SH3BGRL2: variants seen among roughly 807,000 people sequenced by gnomAD.
SH3BGRL2 encodes SH3 domain-binding glutamic acid-rich-like protein 2.
SH3BGRL2 carries 21 observed loss-of-function variants against 14.8 expected under a neutral mutation model. That is an observed-to-expected ratio of 1.42 (90% CI 1.01 to 2.05). SH3BGRL2 has a LOEUF of 2.05. Ranked by LOEUF, SH3BGRL2 falls within the 30% of genes most tolerant of loss-of-function variation. The pLI, the probability that SH3BGRL2 is intolerant of heterozygous loss-of-function variation, is 0.00. For missense variants in SH3BGRL2, 147 were observed against 130.8 expected (o/e 1.12, Z -0.61); for synonymous variants, 50 against 47.8 (o/e 1.05, Z -0.19).
At chr6:79,590,464 T>TATATATATATATA in the SH3BGRL2 span, among the ~76,000 whole-genome samples, 1 of 131,008 alleles carries the variant, frequency 7.6e-6, no homozygotes, top group Non-Finnish European at 1.6e-5. Context: ...TATATATATA[T>TATATATATATATA]GCGCCATGGA....
intron 2 of SH3BGRL2, among the ~76,000 whole-genome samples, chr6:79,680,015 C>T (rs942091253): frequency 6.6e-6 from 1 of 152,158 alleles, no homozygotes; most frequent in African/African-American, 2.4e-5. Context: ...CAAATATTTT[C>T]CTCCACTCCA....
chr6:79,555,212 G>A, the SH3BGRL2 span, among the ~76,000 whole-genome samples: 1,488 of 152,232 alleles, frequency 9.8e-3, 28 homozygotes, highest in African/African-American at 0.034. Context: ...AACTTTGGGA[G>A]GCTGAGGCAG....
chr6:79,651,118 T>C (rs1206417788), intron 1 of SH3BGRL2, among the ~76,000 whole-genome samples: 1 of 152,146 alleles, frequency 6.6e-6, no homozygotes, highest in Non-Finnish European at 1.5e-5. Flanking sequence ...AAACACATTG[T>C]GTTGCAGAGT....
intron 1 of SH3BGRL2, among the ~76,000 whole-genome samples, chr6:79,642,251 T>G (rs1469311886): frequency 6.6e-6 from 1 of 152,194 alleles, no homozygotes; most frequent in Non-Finnish European, 1.5e-5. Context: ...ATTACAGCTA[T>G]TTACATAGCA....
At chr6:79,659,857 C>T (rs1471035670) in intron 1 of SH3BGRL2, among the ~76,000 whole-genome samples, 1 of 152,152 alleles carries the variant, frequency 6.6e-6, no homozygotes, top group East Asian at 1.9e-4. Context: ...TCCTTCACAT[C>T]CCTTGTAAGT....
the SH3BGRL2 span, chr6:79,574,777 A>G: frequency 6.6e-6 from 1 of 152,230 alleles, no homozygotes; most frequent in Non-Finnish European, 1.5e-5. Flanking sequence ...CTCTGGCATT[A>G]GGAATTTATT....
rs60702112 is a variant in SH3BGRL2 at position 79,648,255 on chromosome 6, C to CATAT, written c.45+16774_45+16777dup. Among the ~76,000 whole-genome samples the CATAT allele has an allele frequency of 8.4e-3, 522 of 62,444 alleles. 18 individuals are homozygous for CATAT. The highest frequency in any genetic ancestry group is 0.028 in the African/African-American group (452 of 15,860). The allele number at this position is 62,444 out of a possible 152,430, so 41.0% of individuals were successfully genotyped here. A position where few individuals can be genotyped will look rare whatever the true frequency, so the allele number is the denominator to read the frequency against. On this transcript the variant is annotated intron_variant, in intron 1 of 3. Coordinates refer to ENST00000369838, the MANE Select transcript of SH3BGRL2 (RefSeq NM_031469.4). ...ACATTTTCTCTCTCTATTCTTTTGG[C>CATAT]ATATATATATATATATATATATATA... is the stretch of plus-strand genomic sequence containing the variant.
At chr6:79,641,253 T>C (rs761816884) in intron 1 of SH3BGRL2, among the ~76,000 whole-genome samples, 1 of 152,052 alleles carries the variant, frequency 6.6e-6, no homozygotes, top group South Asian at 2.1e-4. Flanking sequence ...TTAATAATTA[T>C]GTTCATTAGC....
chr6:79,689,020 T>C (rs1485893671), intron 2 of SH3BGRL2, among the ~76,000 whole-genome samples: 1 of 151,854 alleles, frequency 6.6e-6, no homozygotes, highest in Admixed American at 6.6e-5. Flanking sequence ...TACTTAATTG[T>C]TACTAACATG....
Position 79,673,281 on chromosome 6 carries a change from G to A in SH3BGRL2, c.46-333G>A, listed in dbSNP as rs113517169. 3.6e-3 allele frequency among the ~76,000 whole-genome samples: 550 copies of A among 152,086 alleles called. 4 individuals are homozygous for A. Among genetic ancestry groups the A allele is most frequent in the African/African-American group, 0.012 (511 of 41,470 alleles). On this transcript the variant is annotated intron_variant, in intron 1 of 3. Coordinates refer to ENST00000369838, the MANE Select transcript of SH3BGRL2 (RefSeq NM_031469.4). Reference sequence around the variant, plus strand: ...TCTGGGGAGTCTAGGTTGAAGAAACGACCGTGTTAGTGGCCGGGTGCAGTG... The same window carrying A: ...TCTGGGGAGTCTAGGTTGAAGAAACAACCGTGTTAGTGGCCGGGTGCAGTG...
the SH3BGRL2 span, among the ~76,000 whole-genome samples, chr6:79,599,987 A>G: frequency 6.6e-6 from 1 of 152,184 alleles, no homozygotes; most frequent in African/African-American, 2.4e-5. Flanking sequence ...CAGATAAGCT[A>G]TGTCGGACTT....
chr6:79,664,461 T>C lies in SH3BGRL2; in HGVS notation c.46-9153T>C, dbSNP rs76616976. On this transcript the variant is annotated intron_variant, in intron 1 of 3. Coordinates refer to ENST00000369838, the MANE Select transcript of SH3BGRL2 (RefSeq NM_031469.4). Reference sequence around the variant, plus strand: ...GAAACCAAGGCTTTGGTAGAATAAGTATCTTGGCCAAGGTGACACAGACCC... The same window carrying C: ...GAAACCAAGGCTTTGGTAGAATAAGCATCTTGGCCAAGGTGACACAGACCC... 2.1e-3 allele frequency among the ~76,000 whole-genome samples: 318 copies of C among 152,342 alleles called. 2 individuals are homozygous for C. Among genetic ancestry groups the C allele is most frequent in the African/African-American group, 7.2e-3 (299 of 41,584 alleles).
At chr6:79,584,328 A>G in the SH3BGRL2 span, among the ~76,000 whole-genome samples, 1 of 152,206 alleles carries the variant, frequency 6.6e-6, no homozygotes, top group Non-Finnish European at 1.5e-5. Flanking sequence ...ACCGGTGAGC[A>G]TGCATTCAGA....
At chr6:79,610,695 C>T in the SH3BGRL2 span, among the ~76,000 whole-genome samples, 1 of 152,230 alleles carries the variant, frequency 6.6e-6, no homozygotes, top group Non-Finnish European at 1.5e-5. Context: ...CATTTAGGAT[C>T]AAGTTTTACC....
At chr6:79,580,620 ATC>A in the SH3BGRL2 span, among the ~76,000 whole-genome samples, 10 of 152,232 alleles carry the variant, frequency 6.6e-5, no homozygotes, top group African/African-American at 2.4e-4. Flanking sequence ...ACACATCAGA[ATC>A]TCTGGGACAC....
At chr6:79,673,852 G>C in intron 2 of SH3BGRL2, 53 bp downstream of exon 2, 1 of 1,554,046 alleles carries the variant, frequency 6.4e-7, no homozygotes, top group Non-Finnish European at 8.7e-7. Flanking sequence ...CAGAACACAT[G>C]CCACCTAGAG....
chr6:79,610,270 G>A, the SH3BGRL2 span, among the ~76,000 whole-genome samples: 5 of 152,152 alleles, frequency 3.3e-5, no homozygotes, highest in Admixed American at 2.6e-4. Context: ...AACTCATTGA[G>A]CTCACTTTTC....
chr6:79,587,312 A>G, the SH3BGRL2 span, among the ~76,000 whole-genome samples: 1 of 152,284 alleles, frequency 6.6e-6, no homozygotes, highest in Admixed American at 6.5e-5. Context: ...GTGTCTAGCC[A>G]CCACAGAGAA....
intron 1 of SH3BGRL2, among the ~76,000 whole-genome samples, chr6:79,632,447 ATAAT>A (rs1308760198): frequency 6.6e-6 from 1 of 152,190 alleles, no homozygotes; most frequent in African/African-American, 2.4e-5. Context: ...TGTGACATAT[ATAAT>A]CAAGTAACAT....
Sources: gnomAD v4.1 joint callset for allele counts (sites outside exome capture counted in the v4.1 genomes callset) on GRCh38, gnomAD v4.1.1 for gene constraint, MANE v1.5 for transcripts, NCBI Gene and HGNC (gene_info 2026-07-23, HGNC 2026-07-21) for gene names.